The following RORA variants were observed in gnomAD, a reference collection of about 807,000 sequenced individuals.
RORA encodes the protein nuclear receptor ROR-alpha.
A neutral mutation model predicts 69.5 loss-of-function variants in RORA; 7 were observed. That is an observed-to-expected ratio of 0.10 (90% confidence interval 0.06 to 0.19). The LOEUF is 0.19. Among genes scored for constraint, RORA ranks in the 10% least tolerant of loss-of-function variants. The pLI is 1.00. For synonymous variants in RORA, 261 were observed against 240.8 expected (o/e 1.08, Z -0.78); for missense variants, 457 against 663.0 (o/e 0.69, Z 3.41).
At chr15:61,144,860 G>A (rs556026642) in intron 1 of RORA, among the ~76,000 whole-genome samples, 1 of 152,154 alleles carries the variant, frequency 6.6e-6, no homozygotes, top group African/African-American at 2.4e-5. Flanking sequence ...CTTTGGGGGA[G>A]TATGTCTGGA....
intron 1 of RORA, among the ~76,000 whole-genome samples, chr15:60,733,264 A>G (rs914443329): frequency 2.0e-5 from 3 of 152,238 alleles, no homozygotes; most frequent in African/African-American, 7.2e-5. Context: ...TTGAATTAGT[A>G]AAAACTACCG....
At chr15:61,124,344 C>T (rs1429493625) in intron 1 of RORA, among the ~76,000 whole-genome samples, 1 of 152,218 alleles carries the variant, frequency 6.6e-6, no homozygotes, top group Non-Finnish European at 1.5e-5. Flanking sequence ...TGCGGTCTAC[C>T]TCCAGGCAGG....
intron 1 of RORA, among the ~76,000 whole-genome samples, chr15:60,787,178 G>A (rs12915776): frequency 0.2 from 30,612 of 152,098 alleles, 3,119 homozygotes; most frequent in South Asian, 0.27. Context: ...GCTGGGGAGC[G>A]CCATGGGGCC....
chr15:61,096,562 G>A (rs2078792877), intron 1 of RORA, among the ~76,000 whole-genome samples: 1 of 152,090 alleles, frequency 6.6e-6, no homozygotes, highest in Admixed American at 6.5e-5. Flanking sequence ...TTACAACCAA[G>A]TCCCCATGAG....
At chr15:61,099,630 G>A (rs989641409) in intron 1 of RORA, among the ~76,000 whole-genome samples, 5 of 152,118 alleles carry the variant, frequency 3.3e-5, no homozygotes, top group Admixed American at 6.5e-5. Flanking sequence ...ACCTCCTACC[G>A]AAAAAACAAG....
chr15:60,632,487 T>C (rs1454740817), intron 2 of RORA, among the ~76,000 whole-genome samples: 2 of 152,208 alleles, frequency 1.3e-5, no homozygotes, highest in African/African-American at 2.4e-5. Context: ...CCCAGTTAAA[T>C]TTGAATTTCA....
chr15:60,736,828 A>C (rs2071507181), intron 1 of RORA: 1 of 152,216 alleles, frequency 6.6e-6, no homozygotes, highest in African/African-American at 2.4e-5. Flanking sequence ...AGCTAAGCAG[A>C]GCCGAGCCTG....
chr15:61,046,160 G>C (rs1897011067), intron 1 of RORA, among the ~76,000 whole-genome samples: 1 of 152,194 alleles, frequency 6.6e-6, no homozygotes, highest in Non-Finnish European at 1.5e-5. Context: ...CATGGGAGAG[G>C]GAAAGGAGGG....
In RORA at chr15:60,833,596, C is replaced by A. The variant is rs1304763312; in HGVS notation, c.167-154910G>T. Among the ~76,000 whole-genome samples, 3 of 146,270 alleles carry A rather than the reference C, an allele frequency of 2.1e-5. No individual in the cohort carries two copies. In the Admixed American group the frequency reaches 2.1e-4, roughly 10 times the overall value. On this transcript the variant is annotated intron_variant, in intron 1 of 10. Transcript: ENST00000335670. Reference sequence around the variant, plus strand: ...CCAGTTAAAAAACTCTTCTCTTTTCCCTTAAGTTCACCAAACCCACCAAGC... The same window carrying A: ...CCAGTTAAAAAACTCTTCTCTTTTCACTTAAGTTCACCAAACCCACCAAGC...
At chr15:60,938,088 T>C (rs1892579811) in intron 1 of RORA, among the ~76,000 whole-genome samples, 2 of 152,146 alleles carry the variant, frequency 1.3e-5, no homozygotes, top group South Asian at 4.1e-4. Context: ...TTTTCCAGCT[T>C]GTGTACACAA....
chr15:60,503,145 T>A (rs567742805), intron 7 of RORA, among the ~76,000 whole-genome samples: 10 of 152,280 alleles, frequency 6.6e-5, no homozygotes, highest in African/African-American at 2.2e-4. Flanking sequence ...CAATGCAGAG[T>A]CTCAGAGTTG....
intron 1 of RORA, among the ~76,000 whole-genome samples, chr15:61,125,489 G>A (rs1391745204): frequency 2.0e-5 from 3 of 152,206 alleles, no homozygotes; most frequent in African/African-American, 7.2e-5. Context: ...AACAAATTTC[G>A]TGGAATTCAT....
chr15:60,624,348 A>T (rs2069504640), intron 2 of RORA, among the ~76,000 whole-genome samples: 1 of 150,748 alleles, frequency 6.6e-6, no homozygotes, highest in Non-Finnish European at 1.5e-5. Context: ...AGAGACTTAG[A>T]CCATAGAGAG....
intron 1 of RORA, among the ~76,000 whole-genome samples, chr15:60,933,245 C>G (rs575773421): frequency 1.2e-4 from 19 of 152,332 alleles, no homozygotes; most frequent in African/African-American, 4.3e-4. Context: ...GACTTCTTAG[C>G]CTGGTATTCA....
chr15:60,940,279 G>T (rs1892653159), intron 1 of RORA, among the ~76,000 whole-genome samples: 1 of 152,102 alleles, frequency 6.6e-6, no homozygotes, highest in Admixed American at 6.5e-5. Flanking sequence ...GCCATCAATT[G>T]GTAAGGAATA....
chr15:60,615,446 C>T (rs1341656571), intron 2 of RORA, among the ~76,000 whole-genome samples: 1 of 152,288 alleles, frequency 6.6e-6, no homozygotes, highest in Non-Finnish European at 1.5e-5. Context: ...CAAAGTCTCA[C>T]GAGATGGGGC....
chr15:61,204,402 A>G (rs936767734), intron 1 of RORA, among the ~76,000 whole-genome samples: 1 of 152,256 alleles, frequency 6.6e-6, no homozygotes, highest in Non-Finnish European at 1.5e-5. Context: ...AAATCAGAGC[A>G]GATAAATCAA....
intron 1 of RORA, among the ~76,000 whole-genome samples, chr15:60,813,096 A>T (rs1415298373): frequency 6.6e-6 from 1 of 152,196 alleles, no homozygotes; most frequent in Non-Finnish European, 1.5e-5. Context: ...CATCTGCAAC[A>T]TCCTGCCTCC....
At chr15:60,744,690 T>C (rs986600830) in intron 1 of RORA, among the ~76,000 whole-genome samples, 4 of 152,128 alleles carry the variant, frequency 2.6e-5, no homozygotes, top group Non-Finnish European at 5.9e-5. Context: ...CCCAAATCAT[T>C]ACTGAGGAAG....
Sources: gnomAD v4.1 joint callset for allele counts (sites outside exome capture counted in the v4.1 genomes callset) on GRCh38, gnomAD v4.1.1 for gene constraint, MANE v1.5 for transcripts, NCBI Gene and HGNC (gene_info 2026-07-23, HGNC 2026-07-21) for gene names.